WWOX: variants seen among roughly 807,000 people sequenced by gnomAD.
The protein encoded by WWOX is WW domain containing oxidoreductase, also known as WW domain-containing oxidoreductase.
A neutral mutation model predicts 46.2 loss-of-function variants in WWOX; 69 were observed. That is an observed-to-expected ratio of 1.49 (90% CI 1.23 to 1.82). The LOEUF is 1.82. Ranked by LOEUF, WWOX falls within the 40% of genes most tolerant of loss-of-function variation. The pLI is 0.00. For missense variants in WWOX, 919 were observed against 542.6 expected, an observed-to-expected ratio of 1.69 and a Z score of -6.89; for synonymous variants, 359 against 202.6, an observed-to-expected ratio of 1.77 and a Z score of -6.56.
chr16:78,814,945 G>T (rs999857212), intron 8 of WWOX, among the ~76,000 whole-genome samples: 5 of 152,158 alleles, frequency 3.3e-5, no homozygotes, highest in African/African-American at 1.2e-4. Context: ...TGGCTCTCTT[G>T]CCCTTTCTTC....
intron 8 of WWOX, among the ~76,000 whole-genome samples, chr16:78,477,884 G>C (rs535790012): frequency 6.6e-5 from 10 of 152,170 alleles, no homozygotes; most frequent in African/African-American, 2.2e-4. Flanking sequence ...ATTAGTGGGA[G>C]GAAGTATAAA....
chr16:78,961,705 G>A (rs1183773002), intron 8 of WWOX, among the ~76,000 whole-genome samples: 1 of 152,112 alleles, frequency 6.6e-6, no homozygotes, highest in Non-Finnish European at 1.5e-5. Context: ...AGCATATTCT[G>A]GGTATCACTT....
chr16:78,499,230 G>A lies in WWOX; in HGVS notation c.1056+66478G>A, dbSNP rs920127590. ...GCTCAGTGAGATGGCTTTGCTTTGG[G>A]GGGGTGAGGGGGCGGAGGTGGTGGA... is the stretch of plus-strand genomic sequence containing the variant. On this transcript the variant is annotated intron_variant, in intron 8 of 8. Coordinates refer to ENST00000566780, the MANE Select transcript of WWOX (RefSeq NM_016373.4). Among the ~76,000 whole-genome samples, 11 of 151,904 alleles carry A rather than the reference G, an allele frequency of 7.2e-5. 1 individual carries two copies. The highest frequency in any genetic ancestry group is 7.2e-4 in the Admixed American group (11 of 15,266).
intron 8 of WWOX, among the ~76,000 whole-genome samples, chr16:78,658,575 T>A (rs1597404536): frequency 6.6e-6 from 1 of 152,166 alleles, no homozygotes; most frequent in African/African-American, 2.4e-5. Flanking sequence ...TCCGTGCCTC[T>A]CCTCCAGCCT....
intron 8 of WWOX, among the ~76,000 whole-genome samples, chr16:78,925,992 G>A (rs2045488422): frequency 6.6e-6 from 1 of 152,220 alleles, no homozygotes; most frequent in African/African-American, 2.4e-5. Flanking sequence ...GGGAAGGGAT[G>A]TGGGGAGAGC....
At chr16:78,951,208 C>A (rs1333374808) in intron 8 of WWOX, among the ~76,000 whole-genome samples, 1 of 152,188 alleles carries the variant, frequency 6.6e-6, no homozygotes, top group African/African-American at 2.4e-5. Context: ...ATGGCGCGGT[C>A]ATAATTCTAT....
chr16:79,040,383 TCCTG>T (rs2151409167), intron 8 of WWOX, among the ~76,000 whole-genome samples: 1 of 149,630 alleles, frequency 6.7e-6, no homozygotes, highest in South Asian at 2.2e-4. Context: ...CAAGCGATCC[TCCTG>T]CCTCAGCCTC....
intron 8 of WWOX, among the ~76,000 whole-genome samples, chr16:78,821,883 A>G (rs1224189740): frequency 6.6e-6 from 1 of 152,142 alleles, no homozygotes; most frequent in East Asian, 1.9e-4. Flanking sequence ...ATATTAAAAT[A>G]AACTTTTTTT....
At chr16:78,993,263 G>A (rs936040163) in intron 8 of WWOX, among the ~76,000 whole-genome samples, 4 of 151,974 alleles carry the variant, frequency 2.6e-5, no homozygotes, top group Non-Finnish European at 5.9e-5. Flanking sequence ...TTACTATTTG[G>A]GGGTGGGGGG....
intron 6 of WWOX, among the ~76,000 whole-genome samples, chr16:78,395,599 G>A (rs2082266421): frequency 6.6e-6 from 1 of 152,098 alleles, no homozygotes; most frequent in Non-Finnish European, 1.5e-5. Context: ...TCTTTACAAT[G>A]CCTGACAACC....
chr16:78,561,136 G>T (rs2044425029), intron 8 of WWOX, among the ~76,000 whole-genome samples: 1 of 152,140 alleles, frequency 6.6e-6, no homozygotes, highest in Admixed American at 6.5e-5. Context: ...GTTTCCTACT[G>T]ACTTCTGCTG....
chr16:78,509,942 G>A (rs58366789), intron 8 of WWOX, among the ~76,000 whole-genome samples: 20,648 of 136,834 alleles, frequency 0.15, 1,578 homozygotes, highest in Non-Finnish European at 0.18. Context: ...AAAAAAAAAA[G>A]AAAGAAAAAT....
At chr16:78,276,323 G>A (rs1246093724) in intron 5 of WWOX, among the ~76,000 whole-genome samples, 1 of 152,170 alleles carries the variant, frequency 6.6e-6, no homozygotes, top group Non-Finnish European at 1.5e-5. Flanking sequence ...TTTATGCAGG[G>A]CATAGCACTA....
intron 8 of WWOX, among the ~76,000 whole-genome samples, chr16:78,717,556 G>C (rs565997200): frequency 6.6e-6 from 1 of 152,316 alleles, no homozygotes; most frequent in South Asian, 2.1e-4. Context: ...CTCTTTGATG[G>C]TGGACAAAGA....
intron 8 of WWOX, among the ~76,000 whole-genome samples, chr16:78,909,191 T>C (rs1227462440): frequency 6.6e-6 from 1 of 152,238 alleles, no homozygotes; most frequent in East Asian, 1.9e-4. Flanking sequence ...TCCGTTATAA[T>C]TTTTGCAAAG....
At chr16:78,981,469 GCTCTGT>G (rs1291166972) in intron 8 of WWOX, among the ~76,000 whole-genome samples, 53 of 150,120 alleles carry the variant, frequency 3.5e-4, no homozygotes, top group African/African-American at 1.3e-3. Context: ...GTGGAGTCTT[GCTCTGT>G]CATCCAGGCT....
intron 8 of WWOX, among the ~76,000 whole-genome samples, chr16:78,663,121 C>T (rs949621843): frequency 2.6e-5 from 4 of 152,054 alleles, no homozygotes; most frequent in African/African-American, 9.7e-5. Context: ...TTTATCACCC[C>T]TAAAAGAAAC....
intron 5 of WWOX, among the ~76,000 whole-genome samples, chr16:78,374,299 C>T (rs1339137257): frequency 6.6e-6 from 1 of 152,096 alleles, no homozygotes; most frequent in Non-Finnish European, 1.5e-5. Context: ...TAATGTCTAT[C>T]ATTCTAATCA....
At chr16:78,523,450 T>C (rs1344282668) in intron 8 of WWOX, among the ~76,000 whole-genome samples, 1 of 152,154 alleles carries the variant, frequency 6.6e-6, no homozygotes, top group East Asian at 1.9e-4. Context: ...GAATCATAAA[T>C]GTTTGGGGAG....
Sources: gnomAD v4.1 joint callset for allele counts (sites outside exome capture counted in the v4.1 genomes callset) on GRCh38, gnomAD v4.1.1 for gene constraint, MANE v1.5 for transcripts, NCBI Gene and HGNC (gene_info 2026-07-23, HGNC 2026-07-21) for gene names.